Variants in UBAC2 observed in about 807,000 individuals in gnomAD.
UBAC2 encodes the protein ubiquitin-associated domain-containing protein 2.
In UBAC2, 26 loss-of-function variants were observed where a neutral mutation model predicts 44.0. The ratio of observed to expected loss-of-function variants is 0.59; its 90% CI spans 0.43 to 0.82. The LOEUF (loss-of-function observed/expected upper bound fraction) is 0.82. UBAC2 is among the 40% of genes least tolerant of loss of function. UBAC2 has a pLI of 0.00. For synonymous variants in UBAC2, 155 were observed against 154.3 expected (o/e 1.00, Z -0.04); for missense variants, 329 against 419.4 (o/e 0.78, Z 1.88).
chr13:99,211,400 G>T (rs1475092162), intron 1 of UBAC2, among the ~76,000 whole-genome samples: 1 of 152,212 alleles, frequency 6.6e-6, no homozygotes, highest in Admixed American at 6.5e-5. Context: ...CTTGTTAAGT[G>T]CTAGGACAAA....
At chr13:99,268,860 T>C (rs2043780347) in intron 4 of UBAC2, among the ~76,000 whole-genome samples, 3 of 151,602 alleles carry the variant, frequency 2.0e-5, no homozygotes, top group African/African-American at 7.3e-5. Context: ...GGGGTGGAGA[T>C]GGAGATTGGC....
At chr13:99,360,635 C>T (rs940838321) in intron 7 of UBAC2, among the ~76,000 whole-genome samples, 4 of 152,142 alleles carry the variant, frequency 2.6e-5, no homozygotes, top group Non-Finnish European at 5.9e-5. Context: ...TCTTTGAACA[C>T]CTTGGGGAAA....
chr13:99,302,957 A>G (rs2044278204), intron 4 of UBAC2, among the ~76,000 whole-genome samples: 1 of 152,216 alleles, frequency 6.6e-6, no homozygotes, highest in South Asian at 2.1e-4. Flanking sequence ...AGGATTGAGA[A>G]CAATGATATT....
chr13:99,215,477 C>T (rs2042981548), intron 1 of UBAC2: 10 of 1,415,020 alleles, frequency 7.1e-6, no homozygotes, highest in Non-Finnish European at 1.0e-5. Flanking sequence ...AATTCTTCAT[C>T]TGCACGAATA....
At chr13:99,363,918 A>G (rs2045297807) in intron 7 of UBAC2, among the ~76,000 whole-genome samples, 1 of 152,142 alleles carries the variant, frequency 6.6e-6, no homozygotes, top group African/African-American at 2.4e-5. Context: ...GTTTGATTTT[A>G]TTCTTAACTA....
chr13:99,278,505 A>T (rs886105569), intron 4 of UBAC2, among the ~76,000 whole-genome samples: 1 of 152,178 alleles, frequency 6.6e-6, no homozygotes, highest in Non-Finnish European at 1.5e-5. Flanking sequence ...TTTCTAAATT[A>T]TTGTGTCTCT....
intron 1 of UBAC2, chr13:99,201,426 C>T (rs865825273): frequency 1.2e-6 from 2 of 1,613,060 alleles, no homozygotes; most frequent in Non-Finnish European, 1.7e-6. Context: ...GTTTCTTCTT[C>T]AGTCTCCAAG....
At chr13:99,362,492 T>C (rs972608305) in intron 7 of UBAC2, among the ~76,000 whole-genome samples, 3 of 152,222 alleles carry the variant, frequency 2.0e-5, no homozygotes, top group Non-Finnish European at 4.4e-5. Flanking sequence ...TTATCAGAGT[T>C]CCCATTTCTT....
Position 99,241,935 on chromosome 13 carries a change from G to T in UBAC2, c.160-1897G>T, listed in dbSNP as rs1239819645. Among the ~76,000 whole-genome samples, 41 of 150,060 alleles carry T rather than the reference G, an allele frequency of 2.7e-4. No individual in the cohort carries two copies. In the Middle Eastern group the frequency reaches 0.01, roughly 37 times the overall value. ...GTACTTGAGATTAGGGAGTGGTGAT[G>T]ACTCTTAAGGAGCATGCTGCCTTCA... On this transcript the variant is annotated intron_variant, in intron 2 of 8. Transcript: ENST00000403766.
chr13:99,291,601 T>C (rs773937537), intron 4 of UBAC2, among the ~76,000 whole-genome samples: 46 of 152,362 alleles, frequency 3.0e-4, no homozygotes, highest in Non-Finnish European at 6.0e-4. Flanking sequence ...TGCCCTTGCC[T>C]CTTGAAATAT....
At position 99,215,364 on chromosome 13, in the gene UBAC2, G is replaced by C. The variant is rs957820089; in HGVS notation, c.31+14425G>C. 2.2e-5 allele frequency: 22 copies of C among 1,013,298 alleles called. No homozygotes were observed. The South Asian group carries it at 2.8e-4, about 13-fold the overall frequency. The allele number at this position is 1,013,298 out of a possible 1,614,324, so 62.8% of individuals were successfully genotyped here. On this transcript the variant is annotated intron_variant, in intron 1 of 8. Coordinates refer to ENST00000403766, the MANE Select transcript of UBAC2 (RefSeq NM_001144072.2). ...GAGTCCTGAGATAACAAGGAATCCA[G>C]GCATACATTAGACAGTCTTCTGTTG... is the stretch of plus-strand genomic sequence containing the variant.
chr13:99,382,288 T>C (rs531350042), intron 8 of UBAC2, among the ~76,000 whole-genome samples: 4 of 152,214 alleles, frequency 2.6e-5, no homozygotes, highest in Non-Finnish European at 5.9e-5. Context: ...AACAGAGATA[T>C]GTAGAGTCCT....
At chr13:99,374,561 G>C (rs2045455238) in intron 8 of UBAC2, among the ~76,000 whole-genome samples, 1 of 152,174 alleles carries the variant, frequency 6.6e-6, no homozygotes, top group African/African-American at 2.4e-5. Flanking sequence ...ATAGCAAAAT[G>C]TATTTAGTAT....
chr13:99,215,564 C>T (rs1176983434), intron 1 of UBAC2: 38 of 1,428,118 alleles, frequency 2.7e-5, no homozygotes, highest in Non-Finnish European at 3.6e-5. Flanking sequence ...GTTCAAGTCC[C>T]TCTGCGGTGA....
intron 5 of UBAC2, among the ~76,000 whole-genome samples, chr13:99,315,897 A>C (rs9517683): frequency 6.6e-6 from 1 of 151,574 alleles, no homozygotes; most frequent in Non-Finnish European, 1.5e-5. Context: ...CATGGCCTTC[A>C]TCACGGGGCC....
chr13:99,246,356 T>G (rs958069688), intron 4 of UBAC2, among the ~76,000 whole-genome samples: 1 of 152,266 alleles, frequency 6.6e-6, no homozygotes, highest in Non-Finnish European at 1.5e-5. Flanking sequence ...TTGAGTATTC[T>G]GTTATTGGGG....
chr13:99,366,386 C>T (rs1226685175), intron 7 of UBAC2, among the ~76,000 whole-genome samples: 1 of 152,162 alleles, frequency 6.6e-6, no homozygotes, highest in Non-Finnish European at 1.5e-5. Context: ...CTATAAATCC[C>T]ATGTAACCCC....
chr13:99,291,270 G>T (rs897827528), intron 4 of UBAC2, among the ~76,000 whole-genome samples: 1 of 152,142 alleles, frequency 6.6e-6, no homozygotes, highest in Non-Finnish European at 1.5e-5. Flanking sequence ...GAAATTTGGG[G>T]GCTGTCTTTT....
intron 4 of UBAC2, chr13:99,255,265 A>G: frequency 1.2e-6 from 2 of 1,614,176 alleles, no homozygotes; most frequent in Non-Finnish European, 1.7e-6. Context: ...GCACCCAATC[A>G]TGATGAACAA....
Sources: gnomAD v4.1 joint callset for allele counts (sites outside exome capture counted in the v4.1 genomes callset) on GRCh38, gnomAD v4.1.1 for gene constraint, MANE v1.5 for transcripts, NCBI Gene and HGNC (gene_info 2026-07-23, HGNC 2026-07-21) for gene names.